The following SH3GL2 variants were observed in gnomAD, a reference collection of about 807,000 sequenced individuals.
SH3GL2 encodes SH3 domain containing GRB2 like 2, endophilin A1.
In SH3GL2, 24 loss-of-function variants were observed where a neutral mutation model predicts 46.0. The observed-to-expected ratio is 0.52, with a 90% CI of 0.38 to 0.73. The LOEUF (loss-of-function observed/expected upper bound fraction) is 0.73. SH3GL2 is among the 30% of genes least tolerant of loss of function. The pLI, the probability that SH3GL2 is intolerant of heterozygous loss-of-function variation, is 0.00. For missense variants in SH3GL2, 413 were observed against 424.2 expected (o/e 0.97, Z 0.23); for synonymous variants, 196 against 147.1 (o/e 1.33, Z -2.40).
At chr9:17,622,975 C>T (rs572403489) in intron 1 of SH3GL2, among the ~76,000 whole-genome samples, 58 of 92,398 alleles carry the variant, frequency 6.3e-4, no homozygotes, top group African/African-American at 2.3e-3. Flanking sequence ...CTTTTCCTTT[C>T]GTTTCCTTTC....
intron 1 of SH3GL2, among the ~76,000 whole-genome samples, chr9:17,606,601 A>G (rs940573245): frequency 6.6e-6 from 1 of 152,208 alleles, no homozygotes; most frequent in Admixed American, 6.5e-5. Context: ...GATCTGATAT[A>G]GGAAACAAGG....
At chr9:17,607,072 T>A (rs1818773296) in intron 1 of SH3GL2, among the ~76,000 whole-genome samples, 1 of 152,208 alleles carries the variant, frequency 6.6e-6, no homozygotes, top group African/African-American at 2.4e-5. Flanking sequence ...AAGGACTACT[T>A]TATGATAGTT....
At chr9:17,741,488 G>T (rs1277098739) in intron 1 of SH3GL2, among the ~76,000 whole-genome samples, 1 of 152,134 alleles carries the variant, frequency 6.6e-6, no homozygotes, top group Non-Finnish European at 1.5e-5. Flanking sequence ...TAAGTAAAAT[G>T]TAATACATCA....
At chr9:17,627,000 G>A (rs1020400669) in intron 1 of SH3GL2, among the ~76,000 whole-genome samples, 2 of 152,112 alleles carry the variant, frequency 1.3e-5, no homozygotes, top group Non-Finnish European at 2.9e-5. Context: ...CTTTCTGTCA[G>A]GCCCTGGTCG....
At chr9:17,780,197 A>G (rs1335408430) in intron 3 of SH3GL2, among the ~76,000 whole-genome samples, 1 of 152,188 alleles carries the variant, frequency 6.6e-6, no homozygotes, top group Non-Finnish European at 1.5e-5. Flanking sequence ...GAAACTGAAC[A>G]TTGTCAACAT....
intron 1 of SH3GL2, among the ~76,000 whole-genome samples, chr9:17,595,576 A>G (rs1371630032): frequency 6.6e-6 from 1 of 152,234 alleles, no homozygotes; most frequent in Admixed American, 6.5e-5. Context: ...ATGTATAAGT[A>G]TGTACAACTT....
chr9:17,791,932 G>C (rs889448442), intron 7 of SH3GL2, among the ~76,000 whole-genome samples: 14 of 152,218 alleles, frequency 9.2e-5, no homozygotes, highest in African/African-American at 3.1e-4. Context: ...ACTACCGTGT[G>C]AATGTGGCTC....
chr9:17,756,670 G>A (rs1822999811), intron 2 of SH3GL2, among the ~76,000 whole-genome samples: 1 of 151,890 alleles, frequency 6.6e-6, no homozygotes, highest in Non-Finnish European at 1.5e-5. Context: ...ATTTTTTATG[G>A]CTGCATAGTA....
At chr9:17,620,538 A>G (rs1255710004) in intron 1 of SH3GL2, among the ~76,000 whole-genome samples, 1 of 152,196 alleles carries the variant, frequency 6.6e-6, no homozygotes, top group African/African-American at 2.4e-5. Flanking sequence ...TAACCAAGGC[A>G]AACCACTGAC....
chr9:17,769,767 C>A (rs890346611), intron 3 of SH3GL2, among the ~76,000 whole-genome samples: 1 of 152,138 alleles, frequency 6.6e-6, no homozygotes, highest in African/African-American at 2.4e-5. Context: ...CACATCACTC[C>A]CATTTCTCAT....
At chr9:17,752,853 C>G (rs1221111322) in intron 2 of SH3GL2, among the ~76,000 whole-genome samples, 1 of 152,208 alleles carries the variant, frequency 6.6e-6, no homozygotes, top group Non-Finnish European at 1.5e-5. Flanking sequence ...GATTGTCTCC[C>G]TCCTCCCACC....
At chr9:17,737,208 G>T (rs992443161) in intron 1 of SH3GL2, among the ~76,000 whole-genome samples, 3 of 151,976 alleles carry the variant, frequency 2.0e-5, no homozygotes, top group South Asian at 2.1e-4. Flanking sequence ...GTCAGGGGGT[G>T]GGGGGCTAGG....
At chr9:17,616,289 A>G (rs932690904) in intron 1 of SH3GL2, among the ~76,000 whole-genome samples, 1 of 152,236 alleles carries the variant, frequency 6.6e-6, no homozygotes, top group Non-Finnish European at 1.5e-5. Context: ...TGTGATACAC[A>G]CAGTGAGTCA....
chr9:17,783,669 G>C (rs1463628641), intron 3 of SH3GL2, among the ~76,000 whole-genome samples: 1 of 152,080 alleles, frequency 6.6e-6, no homozygotes, highest in African/African-American at 2.4e-5. Flanking sequence ...TTTTAGCAGA[G>C]GACAAAACAG....
At chr9:17,653,358 C>G (rs1199537478) in intron 1 of SH3GL2, among the ~76,000 whole-genome samples, 1 of 152,024 alleles carries the variant, frequency 6.6e-6, no homozygotes, top group Non-Finnish European at 1.5e-5. Flanking sequence ...GTTTACTTTC[C>G]TCTATTCTTT....
At chr9:17,623,240 G>T (rs1339779202) in intron 1 of SH3GL2, among the ~76,000 whole-genome samples, 1 of 152,016 alleles carries the variant, frequency 6.6e-6, no homozygotes, top group Non-Finnish European at 1.5e-5. Flanking sequence ...GGTGTCTAAG[G>T]TCCCTACGAT....
chr9:17,733,940 A>C (rs1822254507), intron 1 of SH3GL2, among the ~76,000 whole-genome samples: 1 of 152,016 alleles, frequency 6.6e-6, no homozygotes, highest in Non-Finnish European at 1.5e-5. Flanking sequence ...ATGGCCTCTC[A>C]CATTCTCTTA....
intron 1 of SH3GL2, among the ~76,000 whole-genome samples, chr9:17,704,290 G>C (rs1821412894): frequency 6.6e-6 from 1 of 152,002 alleles, no homozygotes; most frequent in African/African-American, 2.4e-5. Flanking sequence ...AGAAATCGGA[G>C]ATAACTCAAA....
intron 1 of SH3GL2, among the ~76,000 whole-genome samples, chr9:17,654,083 C>G (rs1434179762): frequency 6.6e-6 from 1 of 152,088 alleles, no homozygotes; most frequent in Non-Finnish European, 1.5e-5. Context: ...TAGAAGGTGT[C>G]AAGACACGGA....
Sources: gnomAD v4.1 joint callset for allele counts (sites outside exome capture counted in the v4.1 genomes callset) on GRCh38, gnomAD v4.1.1 for gene constraint, MANE v1.5 for transcripts, NCBI Gene and HGNC (gene_info 2026-07-23, HGNC 2026-07-21) for gene names.